The following GPN3 variants were observed in gnomAD, a reference collection of about 807,000 sequenced individuals.
The protein encoded by GPN3 is GPN-loop GTPase 3.
Under a neutral mutation model 38.7 loss-of-function variants are expected in GPN3, and 31 were observed. The observed-to-expected ratio is 0.80, with a 90% CI of 0.60 to 1.08. The LOEUF (loss-of-function observed/expected upper bound fraction) is 1.08. Ranked by LOEUF, GPN3 falls within the 50% of genes least tolerant of loss-of-function variation. The pLI is 0.00. For synonymous variants in GPN3, 116 were observed against 120.2 expected, an observed-to-expected ratio of 0.96 and a Z score of 0.23; for missense variants, 301 against 354.4, an observed-to-expected ratio of 0.85 and a Z score of 1.21.
At chr12:110,461,400 T>TC in intron 2 of GPN3, 4 of 543,218 alleles carry the variant, frequency 7.4e-6, no homozygotes, top group East Asian at 6.5e-5. Context: ...GTTATAAAAT[T>TC]GAAAAAAAAA....
intron 6 of GPN3, among the ~76,000 whole-genome samples, chr12:110,454,742 A>T (rs1444318504): frequency 6.6e-6 from 1 of 151,548 alleles, no homozygotes; most frequent in African/African-American, 2.4e-5. Flanking sequence ...GGCTCACTAC[A>T]GCCTTGACCT....
intron 2 of GPN3, among the ~76,000 whole-genome samples, chr12:110,461,521 A>G (rs2062590232): frequency 6.6e-6 from 1 of 152,022 alleles, no homozygotes; most frequent in Non-Finnish European, 1.5e-5. Flanking sequence ...AATCACTTGA[A>G]CCCAGGAGGC....
Position 110,468,249 on chromosome 12 carries a change from ACG to A in GPN3, c.-48_-47del. 6.2e-7 allele frequency: 1 copy of A among 1,604,872 alleles called. No individual in the cohort carries two copies. The highest frequency in any genetic ancestry group is 8.5e-7 in the Non-Finnish European group (1 of 1,179,620). On this transcript the variant is annotated 5_prime_UTR_variant, in exon 1 of 8. Coordinates refer to ENST00000228827, the MANE Select transcript of GPN3 (RefSeq NM_016301.4). ...GCCACACTCCCTTAGCCTTCGCGCG[ACG>A]CCCACTGAGCTCCGGGAAAGTGAAG...
intron 6 of GPN3, 29 bp downstream of exon 6, chr12:110,455,557 G>T: frequency 1.1e-6 from 1 of 944,598 alleles, no homozygotes; most frequent in Non-Finnish European, 1.7e-6. Context: ...ACTGCACCTG[G>T]CCAAAAAATC....
rs1268748998 is a variant in GPN3, at chr12:110,455,831, T to C, written c.550A>G (p.Lys184Glu). The C allele has an allele frequency of 3.2e-6, 5 of 1,573,226 alleles. No homozygotes were observed. Among genetic ancestry groups the C allele is most frequent in the Non-Finnish European group, 4.4e-6 (5 of 1,142,642 alleles). The change falls in exon 5 of 8, where the codon AAA becomes GAA. Residue 184 changes from lysine (K) to glutamate (E), a missense_variant. By Grantham distance (56) the Lys-to-Glu change is moderately conservative. Coordinates refer to ENST00000228827, the MANE Select transcript of GPN3 (RefSeq NM_016301.4). ...TKMDLLSKKA[K>E]KEIEKFLDPD... ...TGAACTCACTTCTCAATTTCCTTTT[T>C]TGCTTTTTTACTCAGCAGATCCATT...
chr12:110,460,776 C>T (rs559973608), intron 2 of GPN3, among the ~76,000 whole-genome samples: 2 of 152,268 alleles, frequency 1.3e-5, no homozygotes, highest in South Asian at 2.1e-4. Context: ...ACCAGCCTGG[C>T]GAACATGGTG....
intron 2 of GPN3, among the ~76,000 whole-genome samples, chr12:110,463,606 C>CAAAAAAAAAAAAAAAAAA (rs60072879): frequency 6.2e-5 from 4 of 64,286 alleles, no homozygotes; most frequent in African/African-American, 6.6e-5. Context: ...CCTGTCTCTA[C>CAAAAAAAAAAAAAAAAAA]AAAAAAAAAA....
In GPN3 at chr12:110,459,821, C is replaced by T. The variant is rs771441947; in HGVS notation, c.199G>A (p.Asp67Asn). 1 of 1,614,054 alleles carries T rather than the reference C, an allele frequency of 6.2e-7. No individual in the cohort carries two copies. Residue 67 changes from aspartate (D) to asparagine (N), a missense_variant, in exon 3 of 8, where the codon GAT becomes AAT. Coordinates refer to ENST00000228827, the MANE Select transcript of GPN3 (RefSeq NM_016301.4). ...LIEVDDVMED[D>N]SLRFGPNGGL... ...CCGTTGGGACCGAATCGCAGAGAAT[C>T]ATCCTCCATTACATCATCCACCTCG...
intron 2 of GPN3, among the ~76,000 whole-genome samples, chr12:110,463,285 G>A (rs529029907): frequency 6.4e-4 from 97 of 151,534 alleles, no homozygotes; most frequent in East Asian, 1.4e-3. Context: ...GAGAAACCCC[G>A]CCTCTACAAA....
chr12:110,461,722 T>C (rs1345539045), intron 2 of GPN3, among the ~76,000 whole-genome samples: 1 of 152,204 alleles, frequency 6.6e-6, no homozygotes, highest in African/African-American at 2.4e-5. Context: ...TGCTCAAACC[T>C]ACATTCTCCA....
chr12:110,461,253 C>T lies in GPN3; in HGVS notation c.158-1391G>A, dbSNP rs564032372. The T allele has an allele frequency of 1.2e-5, 16 of 1,326,890 alleles. No individual in the cohort carries two copies. In the East Asian group the frequency reaches 2.3e-4, roughly 19 times the overall value. The allele number at this position is 1,326,890 out of a possible 1,614,324, so 82.2% of individuals were successfully genotyped here. On this transcript the variant is annotated intron_variant, in intron 2 of 7. Coordinates refer to ENST00000228827, the MANE Select transcript of GPN3 (RefSeq NM_016301.4). Reference sequence around the variant, plus strand: ...CCATACTGAATCCGTGTGCAGCTGTCCAGAAAACGTAATGAGGATGAAGAT... The same window carrying T: ...CCATACTGAATCCGTGTGCAGCTGTTCAGAAAACGTAATGAGGATGAAGAT...
chr12:110,454,485 T>G (rs2062536052), intron 6 of GPN3, among the ~76,000 whole-genome samples: 1 of 151,456 alleles, frequency 6.6e-6, no homozygotes, highest in African/African-American at 2.4e-5. Flanking sequence ...CCTGAGTAGC[T>G]GGGATTACAG....
At chr12:110,464,453 GAACA>G (rs1408411438) in intron 2 of GPN3, among the ~76,000 whole-genome samples, 1 of 151,936 alleles carries the variant, frequency 6.6e-6, no homozygotes, top group African/African-American at 2.4e-5. Context: ...ACACTTGAAT[GAACA>G]AATTGAAAGA....
In GPN3 at chr12:110,458,739, C is replaced by T. The variant is rs2062566808; in HGVS notation, c.325+956G>A. Among the ~76,000 whole-genome samples the T allele has an allele frequency of 6.6e-6, 1 of 150,776 alleles. No individual in the cohort carries two copies. Among genetic ancestry groups the T allele is most frequent in the African/African-American group, 2.4e-5 (1 of 40,920 alleles). ...AGACTGGAGTGAGCCGAGATGGCGCCATCATACTCCAGCCTGGGTGACAGG... is the reference window on the plus strand; with the variant it reads ...AGACTGGAGTGAGCCGAGATGGCGCTATCATACTCCAGCCTGGGTGACAGG... On this transcript the variant is annotated intron_variant, in intron 3 of 7. Transcript: ENST00000228827. The surrounding 1 kb of genome is among the most constrained non-coding windows in gnomAD (Gnocchi z 4.4).
intron 2 of GPN3, chr12:110,460,943 G>C: frequency 1.1e-6 from 1 of 925,106 alleles, no homozygotes; most frequent in Non-Finnish European, 1.8e-6. Context: ...AAGCCCAGGC[G>C]ACAGAGCAAG....
At chr12:110,460,952 A>T in intron 2 of GPN3, 1 of 994,850 alleles carries the variant, frequency 1.0e-6, no homozygotes, top group African/African-American at 1.6e-5. Flanking sequence ...CGACAGAGCA[A>T]GACTCCATCT....
intron 2 of GPN3, among the ~76,000 whole-genome samples, chr12:110,464,190 G>T (rs1371043902): frequency 6.6e-6 from 1 of 151,996 alleles, no homozygotes; most frequent in Non-Finnish European, 1.5e-5. Flanking sequence ...TCCTCAGCCT[G>T]AGGAGCATAT....
In GPN3 at chr12:110,453,849, C is replaced by A; in HGVS notation, c.686G>T (p.Arg229Leu). 1 of 1,608,054 alleles carries A rather than the reference C, an allele frequency of 6.2e-7. No individual in the cohort carries two copies. The highest frequency in any genetic ancestry group is 8.5e-7 in the Non-Finnish European group (1 of 1,174,716). ...ATCTGACTGATCGTAAGGTAAAAATCGAACCATGCTGTAGTCATCAATCTA... is the reference window on the plus strand; with the variant it reads ...ATCTGACTGATCGTAAGGTAAAAATAGAACCATGCTGTAGTCATCAATCTA... ...CGLIDDYSMV[R>L]FLPYDQSDEE... Residue 229 changes from arginine (R) to leucine (L), a missense_variant, in exon 7 of 8, where the codon CGA (arginine) becomes CTA (leucine). By Grantham distance (102) the Arg-to-Leu change is moderately radical. Coordinates refer to ENST00000228827, the MANE Select transcript of GPN3 (RefSeq NM_016301.4).
intron 2 of GPN3, 27 bp downstream of exon 2, chr12:110,465,079 T>TG (rs902685678): frequency 4.3e-6 from 5 of 1,173,182 alleles, no homozygotes; most frequent in South Asian, 2.4e-5. Flanking sequence ...TTCCTGAAGG[T>TG]GGGGGGAGCC....
Sources: allele counts gnomAD v4.1 joint callset (sites outside exome capture counted in the v4.1 genomes callset), GRCh38; gene constraint gnomAD v4.1.1; non-coding constraint Gnocchi (gnomAD v3.1); transcripts MANE v1.5; gene names NCBI Gene and HGNC (gene_info 2026-07-23, HGNC 2026-07-21).